AK5: variants seen among roughly 807,000 people sequenced by gnomAD.
AK5 encodes adenylate kinase 5.
AK5 carries 27 observed loss-of-function variants against 69.5 expected under a neutral mutation model. The observed-to-expected ratio is 0.39, with a 90% CI of 0.29 to 0.54. The LOEUF (loss-of-function observed/expected upper bound fraction) is 0.54, where lower values mean the gene tolerates loss of function less well. Ranked by LOEUF, AK5 falls within the 20% of genes least tolerant of loss-of-function variation. The pLI is 0.71. For synonymous variants in AK5, 260 were observed against 244.4 expected (o/e 1.06, Z -0.60); for missense variants, 531 against 700.4 (o/e 0.76, Z 2.73).
chr1:77,475,418 C>CA (rs5775405), intron 8 of AK5, among the ~76,000 whole-genome samples: 4,075 of 81,938 alleles, frequency 0.05, 272 homozygotes, highest in Non-Finnish European at 0.057. Flanking sequence ...TATATATATA[C>CA]TATATATTAT....
intron 13 of AK5, among the ~76,000 whole-genome samples, chr1:77,538,716 A>G (rs1283168861): frequency 6.6e-6 from 1 of 152,194 alleles, no homozygotes; most frequent in Non-Finnish European, 1.5e-5. Flanking sequence ...TAAAGGTGGG[A>G]AAATTCCTAA....
chr1:77,340,476 A>C lies in AK5; in HGVS notation c.799A>C (p.Asn267His), dbSNP rs1456247593. The change falls in exon 6 of 14, where the codon AAT becomes CAT. Residue 267 changes from asparagine (N) to histidine (H), a missense_variant. Asn to His is a moderately conservative substitution (Grantham distance 68, BLOSUM62 1). Transcript: ENST00000354567. ...AGAACAGCAGGGCCGACCAGACGACAATGTAAAAGCTACCCAAAGGAGACT... is the reference window on the plus strand; with the variant it reads ...AGAACAGCAGGGCCGACCAGACGACCATGTAAAAGCTACCCAAAGGAGACT... ...RAEQQGRPDD[N>H]VKATQRRLMN... 6.2e-7 allele frequency: 1 copy of C among 1,614,132 alleles called. No individual in the cohort carries two copies. The highest frequency in any genetic ancestry group is 1.1e-5 in the South Asian group (1 of 91,080).
chr1:77,346,979 A>G (rs1661951110), intron 6 of AK5, among the ~76,000 whole-genome samples: 1 of 152,208 alleles, frequency 6.6e-6, no homozygotes, highest in South Asian at 2.1e-4. Flanking sequence ...TGTGTTACAT[A>G]ATGAAGCTGT....
chr1:77,534,483 A>G (rs1408121307), intron 12 of AK5, among the ~76,000 whole-genome samples: 1 of 152,244 alleles, frequency 6.6e-6, no homozygotes, highest in East Asian at 1.9e-4. Context: ...AGAGGAAATA[A>G]GCGTAACAGT....
intron 12 of AK5, among the ~76,000 whole-genome samples, chr1:77,529,339 T>G (rs915521507): frequency 6.6e-6 from 1 of 151,130 alleles, no homozygotes; most frequent in African/African-American, 2.4e-5. Context: ...TATAGGTTTT[T>G]TTTTTTTTTT....
At position 77,487,784 on chromosome 1, in the gene AK5, G is replaced by A. The variant is rs574602942; in HGVS notation, c.1147+1432G>A. ...TCTCCCTCCTCTGCCACTCAGTTGT[G>A]TTGGTTGTTAACCTGAACGCAAGCT... On this transcript the variant is annotated intron_variant, in intron 10 of 13. Coordinates refer to ENST00000354567, the MANE Select transcript of AK5 (RefSeq NM_174858.3). Among the ~76,000 whole-genome samples the A allele has an allele frequency of 4.0e-4, 61 of 152,320 alleles. No individual in the cohort carries two copies. The South Asian group carries it at 7.7e-3, about 19-fold the overall frequency.
chr1:77,471,051 T>A (rs1357013728), intron 8 of AK5, among the ~76,000 whole-genome samples: 1 of 150,904 alleles, frequency 6.6e-6, no homozygotes. Flanking sequence ...TGGCTAATTT[T>A]TTTTTTATTT....
intron 5 of AK5, among the ~76,000 whole-genome samples, chr1:77,316,444 A>G (rs1660247923): frequency 6.6e-6 from 1 of 152,104 alleles, no homozygotes; most frequent in Non-Finnish European, 1.5e-5. Context: ...GTGAGAGTGG[A>G]TATATGAAAA....
intron 10 of AK5, among the ~76,000 whole-genome samples, chr1:77,512,386 T>C (rs1657400198): frequency 6.6e-6 from 1 of 152,196 alleles, no homozygotes; most frequent in Non-Finnish European, 1.5e-5. Flanking sequence ...TAAACCTTGA[T>C]GTGCCAGACA....
rs1220591838 is a variant in AK5 at position 77,522,326 on chromosome 1, T to A, written c.1428+383T>A. Among the ~76,000 whole-genome samples the A allele has an allele frequency of 2.0e-5, 3 of 152,268 alleles. No homozygotes were observed. The South Asian group carries it at 6.2e-4, about 32-fold the overall frequency. ...GTCCAGCAAAAGACCCAGAGTTGTG[T>A]TTCCTATCCTGGATTTGGTCACAGT... On this transcript the variant is annotated intron_variant, in intron 12 of 13. Coordinates refer to ENST00000354567, the MANE Select transcript of AK5 (RefSeq NM_174858.3).
intron 13 of AK5, among the ~76,000 whole-genome samples, chr1:77,538,410 C>G (rs1009062586): frequency 2.7e-5 from 4 of 150,854 alleles, no homozygotes; most frequent in African/African-American, 4.9e-5. Context: ...AGAGCAATGT[C>G]TTAAGAATTC....
At chr1:77,504,656 C>T (rs748500841) in intron 10 of AK5, among the ~76,000 whole-genome samples, 15 of 152,034 alleles carry the variant, frequency 9.9e-5, no homozygotes, top group East Asian at 5.8e-4. Flanking sequence ...ACTAATTGGA[C>T]GCATGTGTCT....
chr1:77,537,012 C>T (rs1659008840), intron 13 of AK5, among the ~76,000 whole-genome samples: 1 of 152,146 alleles, frequency 6.6e-6, no homozygotes, highest in Non-Finnish European at 1.5e-5. Context: ...AACCCATAGT[C>T]CATCAATTGC....
chr1:77,474,358 C>T (rs1314996798), intron 8 of AK5, among the ~76,000 whole-genome samples: 1 of 152,160 alleles, frequency 6.6e-6, no homozygotes, highest in Non-Finnish European at 1.5e-5. Flanking sequence ...TCTTTCATTC[C>T]TCCCTGGCTC....
chr1:77,427,636 C>T (rs1015592579), intron 8 of AK5, among the ~76,000 whole-genome samples: 2 of 152,044 alleles, frequency 1.3e-5, no homozygotes, highest in African/African-American at 4.8e-5. Flanking sequence ...TCTCTATATA[C>T]CAACACTAGA....
At position 77,486,353 on chromosome 1, in the gene AK5, G is replaced by T. The variant is rs778064595; in HGVS notation, c.1147+1G>T. On this transcript the variant is annotated splice_donor_variant, in intron 10 of 13. Coordinates refer to ENST00000354567, the MANE Select transcript of AK5 (RefSeq NM_174858.3). LOFTEE classifies it high-confidence loss of function. ...AAGTGTAAAATTATTTTCATAATTG[G>T]TGAGTAACAGCCCTTGCATTTTCTA... is the stretch of plus-strand genomic sequence containing the variant. 6.3e-7 allele frequency: 1 copy of T among 1,577,842 alleles called. No homozygotes were observed. Among genetic ancestry groups the T allele is most frequent in the Admixed American group, 1.7e-5 (1 of 59,308 alleles).
At chr1:77,395,702 A>G (rs1406342930) in intron 6 of AK5, among the ~76,000 whole-genome samples, 3 of 152,254 alleles carry the variant, frequency 2.0e-5, no homozygotes, top group Admixed American at 2.0e-4. Context: ...TAAAAGAGGC[A>G]TAACTAAACA....
intron 10 of AK5, among the ~76,000 whole-genome samples, chr1:77,488,359 C>T (rs557909534): frequency 1.3e-5 from 2 of 151,880 alleles, no homozygotes; most frequent in South Asian, 4.2e-4. Context: ...CCCTTTTCCA[C>T]ATAAGTTTTA....
intron 10 of AK5, among the ~76,000 whole-genome samples, chr1:77,508,830 G>A (rs1206115899): frequency 2.0e-5 from 3 of 150,184 alleles, no homozygotes; most frequent in African/African-American, 7.4e-5. Flanking sequence ...TCATGCCATT[G>A]CACTCCAGCC....
Sources: allele counts gnomAD v4.1 joint callset (sites outside exome capture counted in the v4.1 genomes callset), GRCh38; gene constraint gnomAD v4.1.1; transcripts MANE v1.5; gene names NCBI Gene and HGNC (gene_info 2026-07-23, HGNC 2026-07-21).